The following OC90 variants were observed in gnomAD, a reference collection of about 807,000 sequenced individuals.
OC90 encodes the protein otoconin-90.
In OC90, 46 loss-of-function variants were observed where a neutral mutation model predicts 47.3. The ratio of observed to expected loss-of-function variants is 0.97; its 90% confidence interval spans 0.77 to 1.24. OC90 has a LOEUF of 1.24. Ranked by LOEUF, OC90 falls within the 50% of genes most tolerant of loss-of-function variation. OC90 has a pLI of 0.00. For synonymous variants in OC90, 271 were observed against 219.5 expected (o/e 1.23, Z -2.07); for missense variants, 688 against 583.9 (o/e 1.18, Z -1.84).
intron 6 of OC90, among the ~76,000 whole-genome samples, 181 bp downstream of exon 6, chr8:132,040,863 A>G (rs970674134): frequency 6.6e-6 from 1 of 152,150 alleles, no homozygotes; most frequent in Non-Finnish European, 1.5e-5. Flanking sequence ...TTGTGCCTCT[A>G]CTCTGTGAAA....
rs772606504 is a variant in OC90 at position 132,031,952 on chromosome 8, C to A, written c.960G>T (p.Pro320=). Residue 320 remains proline, a synonymous_variant, in exon 12 of 14, where the codon CCG becomes CCT. Transcript: ENST00000254627. Reference sequence around the variant, plus strand: ...AACAGCCATAAGACTCAAATTCCTCCGGGCACCGGGATGTCAGACAAAAGA... The same window carrying A: ...AACAGCCATAAGACTCAAATTCCTCAGGGCACCGGGATGTCAGACAAAAGA... ...EMLFCLTSRC[P]EEFESYGCYC... 23 of 1,614,016 alleles carry A rather than the reference C, an allele frequency of 1.4e-5. No individual in the cohort carries two copies. Among genetic ancestry groups the A allele is most frequent in the Non-Finnish European group, 1.8e-5 (21 of 1,179,880 alleles).
intron 3 of OC90, 42 bp from the exon 4 acceptor site, chr8:132,044,531 C>T (rs1563732717): frequency 2.8e-6 from 3 of 1,076,086 alleles, no homozygotes; most frequent in South Asian, 2.7e-5. Flanking sequence ...TTGGTTTTTC[C>T]TTTTTTTCAC....
intron 10 of OC90, among the ~76,000 whole-genome samples, chr8:132,033,732 T>C (rs1353099563): frequency 6.6e-6 from 1 of 152,212 alleles, no homozygotes; most frequent in Admixed American, 6.5e-5. Context: ...ACACTCTCTC[T>C]GGATCTCCCT....
intron 2 of OC90, among the ~76,000 whole-genome samples, chr8:132,048,656 C>G (rs1489123682): frequency 6.6e-6 from 1 of 151,532 alleles, no homozygotes; most frequent in African/African-American, 2.5e-5. Flanking sequence ...AGGGAATGGA[C>G]AGAATGACTG....
At chr8:132,027,145 A>G (rs1288484987) in intron 13 of OC90, among the ~76,000 whole-genome samples, 3 of 152,282 alleles carry the variant, frequency 2.0e-5, no homozygotes, top group African/African-American at 7.2e-5. Flanking sequence ...CTTTACCCAC[A>G]TTCCCAGGGC....
intron 6 of OC90, 91 bp downstream of exon 6, chr8:132,040,953 A>G: frequency 1.3e-6 from 1 of 789,122 alleles, no homozygotes; most frequent in Non-Finnish European, 2.3e-6. Context: ...ATGATGTGAG[A>G]GGATCACAAT....
At chr8:132,027,492 C>G (rs190481083) in intron 13 of OC90, among the ~76,000 whole-genome samples, 3 of 152,092 alleles carry the variant, frequency 2.0e-5, no homozygotes, top group African/African-American at 7.2e-5. Flanking sequence ...CTGCCCCAGA[C>G]GAAAATGAAA....
chr8:132,046,159 G>A (rs925131009), intron 2 of OC90, among the ~76,000 whole-genome samples: 18 of 152,234 alleles, frequency 1.2e-4, no homozygotes, highest in African/African-American at 3.6e-4. Flanking sequence ...TCTTGAAGCC[G>A]TCTTTGTGTA....
intron 2 of OC90, among the ~76,000 whole-genome samples, chr8:132,053,442 G>A (rs1422962539): frequency 3.9e-5 from 6 of 152,134 alleles, no homozygotes; most frequent in Non-Finnish European, 8.8e-5. Context: ...CCATCAAATG[G>A]CCAGTGAGTG....
At chr8:132,041,404 A>T in intron 5 of OC90, 121 bp downstream of exon 5, 1 of 841,692 alleles carries the variant, frequency 1.2e-6, no homozygotes, top group Non-Finnish European at 1.9e-6. Flanking sequence ...TAGTGGAATT[A>T]AACCCTCTCC....
chr8:132,058,431 G>T (rs1388421726), intron 1 of OC90, among the ~76,000 whole-genome samples: 1 of 152,184 alleles, frequency 6.6e-6, no homozygotes, highest in African/African-American at 2.4e-5. Flanking sequence ...GCCTTGGTCT[G>T]CATGCCAGGT....
intron 1 of OC90, among the ~76,000 whole-genome samples, chr8:132,056,135 G>C (rs181874149): frequency 6.4e-4 from 98 of 152,254 alleles, no homozygotes; most frequent in African/African-American, 2.3e-3. Context: ...GCACAAAAGC[G>C]CTTGGTCAGG....
intron 2 of OC90, chr8:132,049,695 C>A (rs577880281): frequency 3.2e-5 from 13 of 409,276 alleles, no homozygotes; most frequent in Non-Finnish European, 6.8e-5. Context: ...CAGCCCTTTC[C>A]ATATAATTTT....
At chr8:132,034,368 TC>T (rs1248583248) in intron 10 of OC90, among the ~76,000 whole-genome samples, 2 of 152,204 alleles carry the variant, frequency 1.3e-5, no homozygotes, top group African/African-American at 4.8e-5. Context: ...GTAGTAGCTA[TC>T]AGAACTGCTC....
At chr8:132,029,310 G>A (rs1822838169) in intron 12 of OC90, 131 bp from the exon 13 acceptor site, 8 of 697,950 alleles carry the variant, frequency 1.1e-5, no homozygotes, top group Admixed American at 4.6e-5. Context: ...AGTGCACACA[G>A]GGCTGACTCA....
At chr8:132,031,624 GA>G (rs1822875942) in intron 12 of OC90, among the ~76,000 whole-genome samples, 1 of 152,218 alleles carries the variant, frequency 6.6e-6, no homozygotes, top group Admixed American at 6.5e-5. Flanking sequence ...TAGGCCCCCA[GA>G]TCAAAAGATG....
rs1191140511 is a variant in OC90, at chr8:132,039,008, C to G, written c.573G>C (p.Leu191=). 1.1e-5 allele frequency: 18 copies of G among 1,613,952 alleles called. No individual in the cohort carries two copies. Among genetic ancestry groups the G allele is most frequent in the Non-Finnish European group, 1.4e-5 (17 of 1,179,876 alleles). ...GGTTCTTCCTACCTGGAGTCTGAGCCAGGCAGAAGGAGGTGTCCAGAAGGT... is the reference window on the plus strand; with the variant it reads ...GGTTCTTCCTACCTGGAGTCTGAGCGAGGCAGAAGGAGGTGTCCAGAAGGT... ...SLNLLDTSFC[L]AQTPETTIKE... is the part of the protein sequence containing the mutation. The change falls in exon 7 of 14, where the codon CTG becomes CTC. Residue 191 remains leucine (L), a synonymous_variant. Coordinates refer to ENST00000254627, the MANE Select transcript of OC90 (RefSeq NM_001080399.3).
chr8:132,052,060 C>T (rs558573144), intron 2 of OC90, among the ~76,000 whole-genome samples: 17 of 152,128 alleles, frequency 1.1e-4, no homozygotes, highest in African/African-American at 3.1e-4. Flanking sequence ...CTGCGTGGGA[C>T]GGCTGGTGCT....
At chr8:132,047,555 A>T (rs1214876312) in intron 2 of OC90, among the ~76,000 whole-genome samples, 1 of 152,212 alleles carries the variant, frequency 6.6e-6, no homozygotes, top group Non-Finnish European at 1.5e-5. Context: ...TTGTATGCAC[A>T]TAATAGCATG....
Sources: allele counts gnomAD v4.1 joint callset (sites outside exome capture counted in the v4.1 genomes callset), GRCh38; gene constraint gnomAD v4.1.1; transcripts MANE v1.5; gene names NCBI Gene and HGNC (gene_info 2026-07-23, HGNC 2026-07-21).